Variants in SEC16B observed in about 807,000 individuals in gnomAD.
SEC16B encodes SEC16 homolog B, endoplasmic reticulum export factor.
SEC16B carries 115 observed loss-of-function variants against 141.8 expected under a neutral mutation model. The observed-to-expected ratio is 0.81, with a 90% confidence interval of 0.70 to 0.95. The LOEUF (loss-of-function observed/expected upper bound fraction) is 0.95, where lower values mean the gene tolerates loss of function less well. SEC16B is among the 40% of genes least tolerant of loss of function. The pLI, the probability that SEC16B is intolerant of heterozygous loss-of-function variation, is 0.00. For missense variants in SEC16B, 1,291 were observed against 1,312.3 expected (o/e 0.98, Z 0.25); for synonymous variants, 493 against 492.5 (o/e 1.00, Z -0.01).
At chr1:177,963,172 G>A (rs1557988576) in intron 5 of SEC16B, among the ~76,000 whole-genome samples, 1 of 151,906 alleles carries the variant, frequency 6.6e-6, no homozygotes, top group East Asian at 1.9e-4. Flanking sequence ...ACATATGTAT[G>A]TGGCTGCTGT....
chr1:177,965,997 T>C lies in SEC16B; in HGVS notation c.308A>G (p.Tyr103Cys). The part of the protein sequence containing the change: ...YRNQLYSRPG[Y>C]ENSYQSYQSP... ...CTGATAGCTCTGATATGAATTCTCA[T>C]AACCTGGCCTAAAATATCACAAAGA... is the stretch of plus-strand genomic sequence containing the variant. Residue 103 changes from tyrosine to cysteine, a missense_variant, in exon 3 of 26, where the codon TAT (tyrosine) becomes TGT (cysteine). Physicochemically the swap from Tyr to Cys is radical, Grantham distance 194 (BLOSUM62 -2). This residue lies in a region of SEC16B where 681 missense variants were observed against 675.5 expected (regional missense o/e 1.01). Transcript: ENST00000308284. 6.4e-7 allele frequency: 1 copy of C among 1,572,662 alleles called. No homozygotes were observed. The highest frequency in any genetic ancestry group is 1.2e-5 in the South Asian group (1 of 85,768).
Position 177,942,128 on chromosome 1 carries a change from T to C in SEC16B, c.1882-88A>G, listed in dbSNP as rs1651325193. The C allele has an allele frequency of 2.1e-6, 3 of 1,408,452 alleles. No individual in the cohort carries two copies. In the East Asian group the frequency reaches 7.5e-5, roughly 35 times the overall value. 87.2% of individuals were successfully genotyped at this position (1,408,452 alleles called of 1,614,324 possible). A position where few individuals can be genotyped will look rare whatever the true frequency, so the allele number is the denominator to read the frequency against. Reference sequence around the variant, plus strand: ...TAGATAAGACTTCTTGGAAGTCAGCTGTCAGTTTCCGCTAACTCTGGCATC... The same window carrying C: ...TAGATAAGACTTCTTGGAAGTCAGCCGTCAGTTTCCGCTAACTCTGGCATC... On this transcript the variant is annotated intron_variant, in intron 15 of 25. Coordinates refer to ENST00000308284, the MANE Select transcript of SEC16B (RefSeq NM_033127.4).
At position 177,978,814 on chromosome 1, in the gene SEC16B, T is replaced by C. The variant is rs199621644; in HGVS notation, c.-59+5392A>G. Among the ~76,000 whole-genome samples the C allele has an allele frequency of 1.4e-4, 22 of 152,246 alleles. No individual in the cohort carries two copies. The East Asian group carries it at 4.0e-3, about 28-fold the overall frequency. ...TCTTATTTAGCTTTTATCATAGCAG[T>C]TCATATTTAACTTTTATCTTAGCTA... On this transcript the variant is annotated intron_variant and NMD_transcript_variant, in intron 1 of 24. Transcript: ENST00000528461.
chr1:177,960,168 CA>C (rs1652944958), intron 8 of SEC16B, 173 bp downstream of exon 8: 2 of 588,108 alleles, frequency 3.4e-6, no homozygotes. Context: ...AATGGCTTGT[CA>C]AAATGACTCA....
chr1:177,970,837 T>G (rs1294832145), upstream of SEC16B, among the ~76,000 whole-genome samples: 1 of 152,222 alleles, frequency 6.6e-6, no homozygotes, highest in Non-Finnish European at 1.5e-5. Flanking sequence ...CCCAAATGGT[T>G]TATTCTTTCT....
rs1650285090 is a variant in SEC16B at position 177,929,892 on chromosome 1, A to T, written c.3149T>A (p.Leu1050Gln). ...TATSLNRPNR[L>Q]AQRRYPTQPC ...CTGGGTGGGATAGCGACGCTGAGCT[A>T]GGCGATTTGGCCGATTCAGGCTAGT... Residue 1050 changes from leucine (L) to glutamine (Q), a missense_variant, in exon 26 of 26, where the codon CTA becomes CAA. Physicochemically the swap from Leu to Gln is moderately radical, Grantham distance 113. Transcript: ENST00000308284. The T allele has an allele frequency of 6.2e-7, 1 of 1,613,800 alleles. No individual in the cohort carries two copies. The highest frequency in any genetic ancestry group is 8.5e-7 in the Non-Finnish European group (1 of 1,179,872).
intron 8 of SEC16B, 70 bp downstream of exon 8, chr1:177,960,272 A>C (rs1652953341): frequency 2.0e-6 from 2 of 1,001,826 alleles, no homozygotes; most frequent in African/African-American, 1.6e-5. Context: ...AATCTCCAAA[A>C]TGCTGATCTG....
At chr1:177,952,529 G>T (rs1652273584) in intron 11 of SEC16B, among the ~76,000 whole-genome samples, 1 of 152,188 alleles carries the variant, frequency 6.6e-6, no homozygotes, top group Non-Finnish European at 1.5e-5. Flanking sequence ...GCGTGGAACA[G>T]GGGCCAGAAA....
At chr1:177,975,354 T>G (rs1473084227) in intron 1 of SEC16B, among the ~76,000 whole-genome samples, 1 of 152,218 alleles carries the variant, frequency 6.6e-6, no homozygotes, top group African/African-American at 2.4e-5. Context: ...CAGCAACAGC[T>G]TATACTGTAT....
At chr1:177,932,328 C>A (rs764877385) in intron 24 of SEC16B, among the ~76,000 whole-genome samples, 162 bp downstream of exon 24, 1 of 152,202 alleles carries the variant, frequency 6.6e-6, no homozygotes, top group Non-Finnish European at 1.5e-5. Context: ...TGGTCTGAGC[C>A]TCTGTTCTGT....
chr1:177,952,161 G>A (rs1233892509), intron 11 of SEC16B, among the ~76,000 whole-genome samples, 166 bp from the exon 12 acceptor site: 2 of 152,322 alleles, frequency 1.3e-5, no homozygotes, highest in South Asian at 2.1e-4. Flanking sequence ...CTCCTCTGGG[G>A]AGAGATGGCA....
chr1:177,967,864 A>C lies in SEC16B; in HGVS notation c.118T>G (p.Trp40Gly). ...DGHHRPVPHS[W>G]HNGERFHQWQ... ...TGGTGAAACCTCTCTCCATTGTGCC[A>C]AGAGTGAGGGACAGGCCGATGATGT... is the stretch of plus-strand genomic sequence containing the variant. The change falls in exon 2 of 26, where the codon TGG becomes GGG. Residue 40 changes from tryptophan to glycine, a missense_variant. Trp to Gly is a radical substitution (Grantham distance 184). Coordinates refer to ENST00000308284, the MANE Select transcript of SEC16B (RefSeq NM_033127.4). 6.2e-7 allele frequency: 1 copy of C among 1,613,970 alleles called. No homozygotes were observed. Among genetic ancestry groups the C allele is most frequent in the South Asian group, 1.1e-5 (1 of 91,084 alleles).
At chr1:177,981,929 T>C in intron 1 of SEC16B, among the ~76,000 whole-genome samples, 1 of 152,202 alleles carries the variant, frequency 6.6e-6, no homozygotes, top group East Asian at 1.9e-4. Flanking sequence ...AGCATACAAG[T>C]CATAATTAAA....
chr1:177,968,012 G>C lies in SEC16B; in HGVS notation c.-31C>G, dbSNP rs935064081. On this transcript the variant is annotated 5_prime_UTR_variant, in exon 2 of 26. Transcript: ENST00000308284. ...ACTCTCTGAATTTGTCCTGGGTTTT[G>C]AGTAAGTTGTGCAGTTATTTTATCT... is the stretch of plus-strand genomic sequence containing the variant. 5.3e-5 allele frequency: 83 copies of C among 1,563,686 alleles called. No homozygotes were observed. The highest frequency in any genetic ancestry group is 7.0e-5 in the Non-Finnish European group (81 of 1,150,786).
At chr1:177,967,209 G>A (rs747589634) in intron 2 of SEC16B, among the ~76,000 whole-genome samples, 5 of 152,022 alleles carry the variant, frequency 3.3e-5, no homozygotes, top group African/African-American at 4.8e-5. Flanking sequence ...GTTCCATTCC[G>A]GGTACTGTCG....
intron 19 of SEC16B, among the ~76,000 whole-genome samples, chr1:177,936,759 T>C (rs1037699875): frequency 2.6e-5 from 4 of 152,168 alleles, no homozygotes; most frequent in Non-Finnish European, 1.5e-5. Context: ...CAGCATTGCT[T>C]ACCCATACTC....
At chr1:177,938,680 G>C (rs1447173273) in intron 18 of SEC16B, among the ~76,000 whole-genome samples, 1 of 152,126 alleles carries the variant, frequency 6.6e-6, no homozygotes, top group Non-Finnish European at 1.5e-5. Context: ...TGGGTTGGGA[G>C]GGCTGAAATT....
intron 12 of SEC16B, among the ~76,000 whole-genome samples, chr1:177,950,151 TA>T (rs10715123): frequency 0.67 from 99,815 of 149,328 alleles, 34,168 homozygotes; most frequent in African/African-American, 0.84. Context: ...ATAAGAAGGA[TA>T]AAAAAAAAAA....
intron 22 of SEC16B, 153 bp from the exon 23 acceptor site, chr1:177,932,959 C>T: frequency 1.3e-6 from 1 of 761,138 alleles, no homozygotes; most frequent in East Asian, 2.7e-5. Context: ...CACTCTTCTG[C>T]TCAACAATCC....
Sources: allele counts gnomAD v4.1 joint callset (sites outside exome capture counted in the v4.1 genomes callset), GRCh38; gene constraint gnomAD v4.1.1; regional missense constraint gnomAD v4.1.1; transcripts MANE v1.5; gene names NCBI Gene and HGNC (gene_info 2026-07-23, HGNC 2026-07-21).